The following ATP8B4 variants were observed in gnomAD, a reference collection of about 807,000 sequenced individuals.
ATP8B4 encodes the protein probable phospholipid-transporting ATPase IM.
Under a neutral mutation model 145.6 loss-of-function variants are expected in ATP8B4, and 133 were observed. The observed-to-expected ratio is 0.91, with a 90% confidence interval of 0.79 to 1.05. The LOEUF (loss-of-function observed/expected upper bound fraction) is 1.05. Ranked by LOEUF, ATP8B4 falls within the 50% of genes least tolerant of loss-of-function variation. The pLI is 0.00. For synonymous variants in ATP8B4, 507 were observed against 492.9 expected, an observed-to-expected ratio of 1.03 and a Z score of -0.38; for missense variants, 1,458 against 1,425.2, an observed-to-expected ratio of 1.02 and a Z score of -0.37.
At chr15:49,873,965 T>C (rs1003535880) in intron 25 of ATP8B4, among the ~76,000 whole-genome samples, 6 of 152,348 alleles carry the variant, frequency 3.9e-5, no homozygotes, top group Non-Finnish European at 8.8e-5. Flanking sequence ...TCAGTTATAA[T>C]GATTCTTTCC....
At chr15:50,058,683 C>T (rs2052779810) in intron 3 of ATP8B4, among the ~76,000 whole-genome samples, 1 of 152,190 alleles carries the variant, frequency 6.6e-6, no homozygotes, top group South Asian at 2.1e-4. Context: ...TGTCAGCACC[C>T]TCTGCCATGC....
At chr15:50,041,440 G>C (rs1237108952) in intron 5 of ATP8B4, among the ~76,000 whole-genome samples, 1 of 152,216 alleles carries the variant, frequency 6.6e-6, no homozygotes, top group East Asian at 1.9e-4. Context: ...GATTAGGCTT[G>C]AGAAGTAGCA....
chr15:49,859,324 T>C lies in ATP8B4; in HGVS notation c.*870A>G, dbSNP rs1375442017. 1.3e-5 allele frequency: 2 copies of C among 152,232 alleles called. No individual in the cohort carries two copies. The highest frequency in any genetic ancestry group is 2.9e-5 in the Non-Finnish European group (2 of 68,040). 9.4% of individuals were successfully genotyped at this position (152,232 alleles called of 1,614,324 possible). ...TGGAAATGTTGAAAATATTTGCCCA[T>C]AGACTATGTGGAATATTATCATTAA... On this transcript the variant is annotated 3_prime_UTR_variant, in exon 28 of 28. Transcript: ENST00000284509.
At chr15:49,960,040 T>C (rs2043929455) in intron 14 of ATP8B4, among the ~76,000 whole-genome samples, 1 of 151,118 alleles carries the variant, frequency 6.6e-6, no homozygotes, top group African/African-American at 2.4e-5. Context: ...TTGGTTTTTT[T>C]TTTTTTTTGG....
At chr15:49,963,243 T>C (rs2044239485) in intron 13 of ATP8B4, among the ~76,000 whole-genome samples, 1 of 152,148 alleles carries the variant, frequency 6.6e-6, no homozygotes, top group Admixed American at 6.5e-5. Flanking sequence ...CCAGTCAGAA[T>C]GGCTATTACT....
chr15:49,872,398 T>C (rs923407234), intron 25 of ATP8B4, among the ~76,000 whole-genome samples: 2 of 152,166 alleles, frequency 1.3e-5, no homozygotes, highest in African/African-American at 4.8e-5. Flanking sequence ...TCTCCTTCTC[T>C]TGAATGTAGG....
intron 17 of ATP8B4, among the ~76,000 whole-genome samples, chr15:49,921,442 G>C (rs1248469068): frequency 6.6e-6 from 1 of 152,148 alleles, no homozygotes; most frequent in Non-Finnish European, 1.5e-5. Flanking sequence ...AGAAAAAGAG[G>C]AGACTGGTAT....
intron 13 of ATP8B4, among the ~76,000 whole-genome samples, chr15:49,966,222 G>T (rs1425627413): frequency 6.6e-6 from 1 of 152,218 alleles, no homozygotes; most frequent in East Asian, 1.9e-4. Context: ...GCTAGCTGCA[G>T]GAGTTTTTTT....
chr15:50,068,383 G>T (rs755041855), intron 3 of ATP8B4, among the ~76,000 whole-genome samples: 13 of 152,134 alleles, frequency 8.5e-5, no homozygotes, highest in Non-Finnish European at 1.5e-4. Flanking sequence ...AAAAAATCAT[G>T]GGAGCAGCAA....
chr15:50,019,819 T>C (rs1427813112), intron 6 of ATP8B4, among the ~76,000 whole-genome samples: 1 of 152,178 alleles, frequency 6.6e-6, no homozygotes, highest in Non-Finnish European at 1.5e-5. Flanking sequence ...ATCCAAGTAG[T>C]TTTCCTCTTA....
chr15:50,107,917 C>G lies in ATP8B4; in HGVS notation c.-42-909G>C, dbSNP rs187998378. Among the ~76,000 whole-genome samples the G allele has an allele frequency of 4.8e-3, 724 of 152,180 alleles. 7 individuals are homozygous for G. The highest frequency in any genetic ancestry group is 3.8e-3 in the Non-Finnish European group (258 of 68,000). On this transcript the variant is annotated intron_variant, in intron 1 of 27. Transcript: ENST00000284509. ...CACGCACTGCTCCACTACAGATCCC[C>G]GAGAAGTCTAAAAAGCCTGAGACCA...
At chr15:49,988,173 C>A (rs1441870669) in intron 9 of ATP8B4, among the ~76,000 whole-genome samples, 6 of 152,324 alleles carry the variant, frequency 3.9e-5, no homozygotes, top group African/African-American at 1.4e-4. Flanking sequence ...TTGCCCCTAA[C>A]TGGCTAGAAG....
At chr15:50,069,964 G>A (rs1450264539) in intron 3 of ATP8B4, among the ~76,000 whole-genome samples, 1 of 152,148 alleles carries the variant, frequency 6.6e-6, no homozygotes, top group East Asian at 1.9e-4. Flanking sequence ...GTGTGACCCT[G>A]AGCAAGTCAC....
Position 49,972,696 on chromosome 15 carries a change from T to G in ATP8B4, c.1129A>C (p.Thr377Pro). The G allele has an allele frequency of 6.2e-7, 1 of 1,614,018 alleles. No individual in the cohort carries two copies. The highest frequency in any genetic ancestry group is 8.5e-7 in the Non-Finnish European group (1 of 1,179,996). The change falls in exon 13 of 28, where the codon ACC becomes CCC. Residue 377 changes from threonine (T) to proline (P), a missense_variant. Transcript: ENST00000284509. ...RKAIPAVART[T>P]TLNEELGQIE... ...TGCCCCAGTTCCTCATTGAGCGTGG[T>G]CGTTCGAGCCACTGCAGGTATTGCT...
At chr15:50,040,323 G>T (rs999986695) in intron 5 of ATP8B4, among the ~76,000 whole-genome samples, 1 of 152,190 alleles carries the variant, frequency 6.6e-6, no homozygotes, top group African/African-American at 2.4e-5. Flanking sequence ...TACGTCTCCA[G>T]GTCTGGTCAC....
intron 1 of ATP8B4, among the ~76,000 whole-genome samples, chr15:50,117,444 AAT>A (rs1249569270): frequency 6.6e-6 from 1 of 152,234 alleles, no homozygotes; most frequent in Non-Finnish European, 1.5e-5. Context: ...GAAAATATTC[AAT>A]ATGCCACATA....
At chr15:50,018,178 G>C (rs991500370) in intron 6 of ATP8B4, among the ~76,000 whole-genome samples, 10 of 152,054 alleles carry the variant, frequency 6.6e-5, no homozygotes, top group Non-Finnish European at 1.2e-4. Context: ...AGTAGAGACA[G>C]CGTTTCGCCA....
At chr15:49,883,288 A>AGC (rs1255009750) in intron 23 of ATP8B4, 1 of 152,202 alleles carries the variant, frequency 6.6e-6, no homozygotes, top group African/African-American at 2.4e-5. Flanking sequence ...AGTCTGGCAT[A>AGC]GCGTGCCCTC....
chr15:50,144,236 T>C (rs1287983039), intron 1 of ATP8B4, among the ~76,000 whole-genome samples: 3 of 152,294 alleles, frequency 2.0e-5, no homozygotes, highest in East Asian at 3.9e-4. Flanking sequence ...AGTATGATGA[T>C]GGTGGTAGAA....
Sources: gnomAD v4.1 joint callset for allele counts (sites outside exome capture counted in the v4.1 genomes callset) on GRCh38, gnomAD v4.1.1 for gene constraint, MANE v1.5 for transcripts, NCBI Gene and HGNC (gene_info 2026-07-23, HGNC 2026-07-21) for gene names.